The following CYSLTR2 variants were observed in gnomAD, a reference collection of about 807,000 sequenced individuals.
The protein encoded by CYSLTR2 is G-protein coupled receptor GPCR21.
For synonymous variants in CYSLTR2, 179 were observed against 160.8 expected (o/e 1.11, Z -0.86); for missense variants, 398 against 411.9 (o/e 0.97, Z 0.29).
intron 1 of CYSLTR2, among the ~76,000 whole-genome samples, chr13:48,681,397 G>T (rs1268692563): frequency 6.6e-6 from 1 of 152,074 alleles, no homozygotes; most frequent in Non-Finnish European, 1.5e-5. Context: ...TTCAGAATTC[G>T]GGACTCACAG....
intron 4 of CYSLTR2, among the ~76,000 whole-genome samples, chr13:48,699,592 C>A (rs1954287448): frequency 6.6e-6 from 1 of 152,144 alleles, no homozygotes; most frequent in Non-Finnish European, 1.5e-5. Context: ...TACACCCTAA[C>A]ATCACAATTA....
At chr13:48,667,190 G>A (rs1382351380) in intron 1 of CYSLTR2, among the ~76,000 whole-genome samples, 5 of 152,200 alleles carry the variant, frequency 3.3e-5, no homozygotes, top group Admixed American at 6.5e-5. Flanking sequence ...GCATTTGCAA[G>A]TCTCTCAGTG....
At chr13:48,677,894 A>T (rs1953643377) in intron 1 of CYSLTR2, among the ~76,000 whole-genome samples, 1 of 141,072 alleles carries the variant, frequency 7.1e-6, no homozygotes, top group African/African-American at 2.7e-5. Flanking sequence ...TTTGGGACAG[A>T]GTCTCACTTC....
chr13:48,698,156 A>G lies in CYSLTR2; in HGVS notation c.-2+1530A>G, dbSNP rs183896322. ...GCGAGGCAGGCCAACATTGAAATTC[A>G]GGAAATACAGAGAACACCACTAAGA... is the stretch of plus-strand genomic sequence containing the variant. On this transcript the variant is annotated intron_variant, in intron 4 of 4. Transcript: ENST00000682523. Among the ~76,000 whole-genome samples, 562 of 152,336 alleles carry G rather than the reference A, an allele frequency of 3.7e-3. 3 individuals are homozygous for G. Among genetic ancestry groups the G allele is most frequent in the Non-Finnish European group, 7.1e-3 (484 of 68,032 alleles).
intron 3 of CYSLTR2, chr13:48,694,661 A>C (rs142826224): frequency 6.2e-4 from 93 of 149,790 alleles, no homozygotes; most frequent in African/African-American, 2.2e-3. Context: ...CATTTTTGTC[A>C]ATCCTTCAGA....
intron 1 of CYSLTR2, among the ~76,000 whole-genome samples, chr13:48,675,335 C>T (rs190071056): frequency 6.6e-6 from 1 of 152,298 alleles, no homozygotes; most frequent in East Asian, 1.9e-4. Context: ...CAGAGATGCC[C>T]TGCCCAGAGA....
At position 48,687,518 on chromosome 13, in the gene CYSLTR2, C is replaced by T. The variant is rs1164933435; in HGVS notation, c.-265-3694C>T. ...TATCTATAATCTATCATCTATCAAT[C>T]ATCTATTATCTATCAATTATCTATC... On this transcript the variant is annotated intron_variant, in intron 1 of 4. Coordinates refer to ENST00000682523, the MANE Select transcript of CYSLTR2 (RefSeq NM_001308476.3). Among the ~76,000 whole-genome samples the T allele has an allele frequency of 2.0e-5, 3 of 152,122 alleles. No homozygotes were observed. In the East Asian group the frequency reaches 5.8e-4, roughly 29 times the overall value.
chr13:48,707,894 T>C lies in CYSLTR2; in HGVS notation c.*36T>C. On this transcript the variant is annotated 3_prime_UTR_variant, in exon 5 of 5. Transcript: ENST00000682523. The stretch of plus-strand genomic sequence containing the variant: ...GATGAGACCTGTTCTTGTATCCTTG[T>C]GTCCATCTTCATTCACTCATAGTCT... The C allele has an allele frequency of 6.8e-7, 1 of 1,464,924 alleles. No homozygotes were observed. The highest frequency in any genetic ancestry group is 9.1e-7 in the Non-Finnish European group (1 of 1,097,290). The allele number at this position is 1,464,924 out of a possible 1,614,324, so 90.7% of individuals were successfully genotyped here. A position where few individuals can be genotyped will look rare whatever the true frequency, so the allele number is the denominator to read the frequency against.
chr13:48,687,412 T>A (rs886529305), intron 1 of CYSLTR2, among the ~76,000 whole-genome samples: 1 of 151,886 alleles, frequency 6.6e-6, no homozygotes, highest in South Asian at 2.1e-4. Context: ...TAGATTATCA[T>A]CTATCAATCA....
intron 1 of CYSLTR2, among the ~76,000 whole-genome samples, chr13:48,658,560 C>A (rs779978933): frequency 2.6e-5 from 4 of 152,160 alleles, no homozygotes; most frequent in Non-Finnish European, 4.4e-5. Context: ...AGACAGGAGA[C>A]AACTGCTGCC....
chr13:48,706,832 TA>T lies in CYSLTR2; in HGVS notation c.16del (p.Met6CysfsTer41). On this transcript the variant is annotated frameshift_variant, in exon 5 of 5. Transcript: ENST00000682523. LOFTEE classifies it low-confidence loss of function (END_TRUNC). Reference sequence around the variant, plus strand: ...TTTAACCCAGCATGGAGAGAAAATTTATGTCCTTGCAACCATCCATCTCCGT... The same window carrying T: ...TTTAACCCAGCATGGAGAGAAAATTTTGTCCTTGCAACCATCCATCTCCGT... MERKF[M>X]SLQPSISVSE... 6 of 1,609,714 alleles carry T rather than the reference TA, an allele frequency of 3.7e-6. No individual in the cohort carries two copies. Among genetic ancestry groups the T allele is most frequent in the Non-Finnish European group, 5.1e-6 (6 of 1,177,382 alleles).
intron 1 of CYSLTR2, among the ~76,000 whole-genome samples, chr13:48,679,277 C>T (rs1052549060): frequency 3.9e-5 from 6 of 152,174 alleles, no homozygotes; most frequent in Non-Finnish European, 5.9e-5. Flanking sequence ...TGTGGCCCCT[C>T]CCCTGCATTC....
chr13:48,675,964 C>G (rs553067156), intron 1 of CYSLTR2, among the ~76,000 whole-genome samples: 8 of 152,348 alleles, frequency 5.3e-5, no homozygotes, highest in East Asian at 1.9e-4. Flanking sequence ...CTGCTCACCC[C>G]CCATGGGCTG....
intron 1 of CYSLTR2, among the ~76,000 whole-genome samples, chr13:48,660,954 A>G (rs542818023): frequency 4.6e-5 from 7 of 152,280 alleles, no homozygotes; most frequent in Admixed American, 4.6e-4. Context: ...CAGCCTTTGC[A>G]ATAACAACAG....
At position 48,693,146 on chromosome 13, in the gene CYSLTR2, G is replaced by A. The variant is rs117368170; in HGVS notation, c.-175-292G>A. ...AAAATAAAATTCTAAATTTAGACAA[G>A]TTATAGAACTAGTGGAATCTTGTTG... is the stretch of plus-strand genomic sequence containing the variant. On this transcript the variant is annotated intron_variant, in intron 2 of 4. Coordinates refer to ENST00000682523, the MANE Select transcript of CYSLTR2 (RefSeq NM_001308476.3). Among the ~76,000 whole-genome samples the A allele has an allele frequency of 4.4e-3, 666 of 151,604 alleles. 3 individuals carry two copies. Among genetic ancestry groups the A allele is most frequent in the Middle Eastern group, 0.014 (4 of 292 alleles).
At chr13:48,701,148 G>A (rs572185708) in intron 4 of CYSLTR2, among the ~76,000 whole-genome samples, 28 of 152,182 alleles carry the variant, frequency 1.8e-4, no homozygotes, top group East Asian at 9.6e-4. Context: ...AGTTCAAATG[G>A]AACCAAAAAA....
chr13:48,656,939 C>T (rs1235944735), intron 1 of CYSLTR2, among the ~76,000 whole-genome samples: 2 of 152,220 alleles, frequency 1.3e-5, no homozygotes, highest in Admixed American at 6.5e-5. Context: ...TCAGAAACCC[C>T]TAGCACTGTA....
chr13:48,673,433 C>CTT (rs61699943), intron 1 of CYSLTR2, among the ~76,000 whole-genome samples: 1,256 of 48,088 alleles, frequency 0.026, 102 homozygotes, highest in Non-Finnish European at 0.037. Context: ...GTAACCCCGG[C>CTT]TTTTTTTTTT....
chr13:48,685,094 T>C (rs1953862274), intron 1 of CYSLTR2, among the ~76,000 whole-genome samples: 1 of 151,758 alleles, frequency 6.6e-6, no homozygotes. Context: ...ATAAAAGAGG[T>C]TTAATTGGCT....
Sources: gnomAD v4.1 joint callset for allele counts (sites outside exome capture counted in the v4.1 genomes callset) on GRCh38, gnomAD v4.1.1 for gene constraint, MANE v1.5 for transcripts, NCBI Gene and HGNC (gene_info 2026-07-23, HGNC 2026-07-21) for gene names.